The following KIF15 variants were observed in gnomAD, a reference collection of about 807,000 sequenced individuals.
KIF15 encodes the protein kinesin-like protein KIF15.
In KIF15, 140 loss-of-function variants were observed where a neutral mutation model predicts 190.6. That is an observed-to-expected ratio of 0.73 (90% CI 0.64 to 0.84). The LOEUF (loss-of-function observed/expected upper bound fraction) is 0.84. Ranked by LOEUF, KIF15 falls within the 40% of genes least tolerant of loss-of-function variation. The pLI is 0.00. For missense variants in KIF15, 1,372 were observed against 1,584.4 expected, an observed-to-expected ratio of 0.87 and a Z score of 2.28; for synonymous variants, 528 against 551.3, an observed-to-expected ratio of 0.96 and a Z score of 0.59.
intron 14 of KIF15, among the ~76,000 whole-genome samples, chr3:44,803,207 C>T (rs905164582): frequency 1.1e-4 from 16 of 152,034 alleles, no homozygotes; most frequent in Admixed American, 6.6e-5. Context: ...ATAGATATAA[C>T]GAGAAAATAC....
At chr3:44,857,989 A>G (rs905136521), downstream of KIF15, among the ~76,000 whole-genome samples, 11 of 152,200 alleles carry the variant, frequency 7.2e-5, no homozygotes, top group Non-Finnish European at 1.5e-4. Context: ...AGAAGGGTGG[A>G]AAGAAAGTAA....
At chr3:44,813,264 C>T in intron 19 of KIF15, 84 bp downstream of exon 19, 1 of 785,294 alleles carries the variant, frequency 1.3e-6, no homozygotes, top group Non-Finnish European at 2.0e-6. Context: ...AATGCTGTTC[C>T]TATGTTTTTG....
chr3:44,855,620 C>T (rs1341422493), downstream of KIF15, among the ~76,000 whole-genome samples: 3 of 151,922 alleles, frequency 2.0e-5, no homozygotes, highest in South Asian at 2.1e-4. Flanking sequence ...TTAGGGGCGG[C>T]GTGGGAACCT....
intron 30 of KIF15, 130 bp from the exon 31 acceptor site, chr3:44,847,855 A>G: frequency 1.6e-6 from 1 of 644,876 alleles, no homozygotes; most frequent in East Asian, 2.7e-5. Flanking sequence ...TGACCCAATC[A>G]CAATAGAGTT....
At chr3:44,824,658 G>T (rs1230765334) in intron 20 of KIF15, among the ~76,000 whole-genome samples, 1 of 152,108 alleles carries the variant, frequency 6.6e-6, no homozygotes, top group Non-Finnish European at 1.5e-5. Flanking sequence ...ATTTCCTAAT[G>T]TTTATATGTC....
intron 6 of KIF15, among the ~76,000 whole-genome samples, chr3:44,861,708 C>T (rs1699248904): frequency 6.6e-6 from 1 of 152,392 alleles, no homozygotes; most frequent in East Asian, 1.9e-4. Context: ...ACGTCCTCCC[C>T]AGAGCACAAA....
Position 44,774,442 on chromosome 3 carries a change from G to A in KIF15, c.62+5G>A. On this transcript the variant is annotated splice_donor_5th_base_variant and intron_variant, in intron 2 of 34. Coordinates refer to ENST00000326047, the MANE Select transcript of KIF15 (RefSeq NM_020242.3). ...TGGTCAGTCTAACCAACCAAGGTAAGGAGAAAAATATTCTCAATGAGCTCC... is the reference window on the plus strand; with the variant it reads ...TGGTCAGTCTAACCAACCAAGGTAAAGAGAAAAATATTCTCAATGAGCTCC... 1 of 1,611,146 alleles carries A rather than the reference G, an allele frequency of 6.2e-7. No homozygotes were observed. Among genetic ancestry groups the A allele is most frequent in the South Asian group, 1.1e-5 (1 of 90,696 alleles).
At chr3:44,826,964 G>A in intron 22 of KIF15, 1 of 455,776 alleles carries the variant, frequency 2.2e-6, no homozygotes, top group Non-Finnish European at 4.4e-6. Flanking sequence ...GGTACTTATG[G>A]AGTTCTTCCT....
At chr3:44,849,752 A>G (rs970431900) in intron 32 of KIF15, among the ~76,000 whole-genome samples, 15 of 152,128 alleles carry the variant, frequency 9.9e-5, no homozygotes, top group Non-Finnish European at 1.9e-4. Context: ...ACACACACAC[A>G]AATTGAAAGT....
chr3:44,761,862 C>T lies in KIF15; in HGVS notation c.-4C>T, dbSNP rs1705156804. 1 of 1,614,120 alleles carries T rather than the reference C, an allele frequency of 6.2e-7. No homozygotes were observed. The highest frequency in any genetic ancestry group is 8.5e-7 in the Non-Finnish European group (1 of 1,180,030). On this transcript the variant is annotated 5_prime_UTR_variant, in exon 1 of 35. Coordinates refer to ENST00000326047, the MANE Select transcript of KIF15 (RefSeq NM_020242.3). ...TGTTTTCGGGATCGAGGGGTGAGGG[C>T]GCTATGGCACCCGGCTGCAAAAGTA...
chr3:44,840,282 G>A, intron 27 of KIF15, 73 bp from the exon 28 acceptor site: 1 of 837,928 alleles, frequency 1.2e-6, no homozygotes, highest in South Asian at 1.6e-5. Flanking sequence ...GTGATGGGAA[G>A]TTTGTCTTTT....
At chr3:44,774,867 AG>A (rs1312461300) in intron 2 of KIF15, among the ~76,000 whole-genome samples, 1 of 152,188 alleles carries the variant, frequency 6.6e-6, no homozygotes, top group East Asian at 1.9e-4. Flanking sequence ...TGGGAGGCCA[AG>A]GTGGGCAGAT....
intron 16 of KIF15, among the ~76,000 whole-genome samples, chr3:44,808,854 G>T (rs923844531): frequency 6.6e-6 from 1 of 152,184 alleles, no homozygotes; most frequent in Non-Finnish European, 1.5e-5. Context: ...GAATTATAGA[G>T]CTTGAAGCAC....
At chr3:44,805,751 T>G in intron 15 of KIF15, 94 bp from the exon 16 acceptor site, 1 of 1,139,718 alleles carries the variant, frequency 8.8e-7, no homozygotes, top group Non-Finnish European at 1.3e-6. Flanking sequence ...TAGAGATAAC[T>G]ATAAAGTTAT....
intron 14 of KIF15, among the ~76,000 whole-genome samples, 178 bp from the exon 15 acceptor site, chr3:44,804,849 C>T (rs1200959322): frequency 1.3e-5 from 2 of 152,052 alleles, no homozygotes; most frequent in Non-Finnish European, 2.9e-5. Flanking sequence ...TGGCATGCAC[C>T]TGTAGTCCCA....
chr3:44,795,620 A>G (rs1394703876), intron 8 of KIF15, among the ~76,000 whole-genome samples: 2 of 152,162 alleles, frequency 1.3e-5, no homozygotes, highest in African/African-American at 4.8e-5. Context: ...ATCTAGTCCT[A>G]GGCTAAGGTA....
chr3:44,856,577 A>C (rs1282801896), downstream of KIF15, among the ~76,000 whole-genome samples: 3 of 152,086 alleles, frequency 2.0e-5, no homozygotes, highest in African/African-American at 7.2e-5. Flanking sequence ...TTCAGTGGGA[A>C]AGTAGGTGGG....
At chr3:44,802,014 A>G in intron 13 of KIF15, 40 bp downstream of exon 13, 3 of 1,415,332 alleles carry the variant, frequency 2.1e-6, no homozygotes, top group Non-Finnish European at 2.9e-6. Flanking sequence ...AAAATAAAAG[A>G]AGTTCAAAGC....
chr3:44,794,789 GT>G (rs1706892688), intron 8 of KIF15, among the ~76,000 whole-genome samples: 1 of 151,922 alleles, frequency 6.6e-6, no homozygotes, highest in Non-Finnish European at 1.5e-5. Flanking sequence ...GTGAAATCCC[GT>G]CTCTACTAAA....
Sources: gnomAD v4.1 joint callset for allele counts (sites outside exome capture counted in the v4.1 genomes callset) on GRCh38, gnomAD v4.1.1 for gene constraint, MANE v1.5 for transcripts, NCBI Gene and HGNC (gene_info 2026-07-23, HGNC 2026-07-21) for gene names.